RAPGEF1: variants seen among roughly 807,000 people sequenced by gnomAD.
RAPGEF1 encodes the protein CRK SH3-binding GNRP.
Under a neutral mutation model 143.3 loss-of-function variants are expected in RAPGEF1, and 33 were observed. That is an observed-to-expected ratio of 0.23 (90% CI 0.17 to 0.31). The LOEUF (loss-of-function observed/expected upper bound fraction) is 0.31. Among genes scored for constraint, RAPGEF1 ranks in the 10% least tolerant of loss-of-function variants. The pLI is 1.00. For missense variants in RAPGEF1, 1,199 were observed against 1,645.4 expected (o/e 0.73, Z 4.69); for synonymous variants, 629 against 676.5 (o/e 0.93, Z 1.09).
chr9:131,705,777 T>G (rs1303886354), intron 1 of RAPGEF1, among the ~76,000 whole-genome samples: 1 of 152,134 alleles, frequency 6.6e-6, no homozygotes, highest in Non-Finnish European at 1.5e-5. Flanking sequence ...CTCAAATCAC[T>G]AGAGAAGCTT....
At chr9:131,606,514 T>C (rs1335519155) in intron 12 of RAPGEF1, among the ~76,000 whole-genome samples, 1 of 152,186 alleles carries the variant, frequency 6.6e-6, no homozygotes, top group East Asian at 1.9e-4. Flanking sequence ...AGTGCAAATG[T>C]GCGTGCCACT....
At chr9:131,651,028 A>C in intron 1 of RAPGEF1, 79 bp from the exon 2 acceptor site, 1 of 1,501,678 alleles carries the variant, frequency 6.7e-7, no homozygotes, top group Admixed American at 1.9e-5. Flanking sequence ...GGAAATGAGC[A>C]ATGTCCCCAA....
intron 9 of RAPGEF1, among the ~76,000 whole-genome samples, chr9:131,627,114 T>G (rs1273054211): frequency 6.8e-6 from 1 of 147,430 alleles, no homozygotes; most frequent in Non-Finnish European, 1.5e-5. Context: ...CTTGGGAGGC[T>G]GAGGCAGGAG....
In RAPGEF1 at chr9:131,667,692, C is replaced by T. The variant is rs1187769777; in HGVS notation, c.62-16743G>A. ...ACATGGGGCAAACAGAAGTGGCACT[C>T]ATCTCTACACGTGGCCTAGGGCAGC... is the stretch of plus-strand genomic sequence containing the variant. On this transcript the variant is annotated intron_variant, in intron 1 of 26. Coordinates refer to ENST00000683357, the MANE Select transcript of RAPGEF1 (RefSeq NM_001377935.1). The surrounding 1 kb of genome is among the most constrained non-coding windows in gnomAD (Gnocchi z 4.6). 6.6e-6 allele frequency among the ~76,000 whole-genome samples: 1 copy of T among 152,166 alleles called. No homozygotes were observed. The highest frequency in any genetic ancestry group is 2.4e-5 in the African/African-American group (1 of 41,422).
At position 131,591,975 on chromosome 9, in the gene RAPGEF1, C is replaced by T. The variant is rs1449170873; in HGVS notation, c.2774+124G>A. Reference sequence around the variant, plus strand: ...GGTCCATGGGGCTCCTGTGTCCCTACTTCAATCACACTGCCACCCAATATG... The same window carrying T: ...GGTCCATGGGGCTCCTGTGTCCCTATTTCAATCACACTGCCACCCAATATG... On this transcript the variant is annotated intron_variant, in intron 18 of 26. Transcript: ENST00000683357. 4.2e-6 allele frequency: 3 copies of T among 707,440 alleles called. No individual in the cohort carries two copies. The African/African-American group carries it at 5.3e-5, about 13-fold the overall frequency. The allele number at this position is 707,440 out of a possible 1,614,324, so 43.8% of individuals were successfully genotyped here.
intron 1 of RAPGEF1, among the ~76,000 whole-genome samples, chr9:131,703,228 G>A (rs1834797384): frequency 6.6e-6 from 1 of 152,154 alleles, no homozygotes; most frequent in South Asian, 2.1e-4. Context: ...TTGAACTCCT[G>A]AGCTCAAGTG....
At chr9:131,720,910 AAAG>A (rs1415828002) in intron 1 of RAPGEF1, among the ~76,000 whole-genome samples, 36 of 152,200 alleles carry the variant, frequency 2.4e-4, no homozygotes, top group African/African-American at 8.4e-4. Flanking sequence ...TATCCATTCC[AAAG>A]AATAACAATT....
intron 1 of RAPGEF1, among the ~76,000 whole-genome samples, chr9:131,731,892 T>C (rs1837097587): frequency 6.6e-6 from 1 of 152,186 alleles, no homozygotes; most frequent in South Asian, 2.1e-4. Flanking sequence ...GTCGTGGTGT[T>C]CCGGGAAGCA....
rs575671286 is a variant in RAPGEF1 at position 131,615,253 on chromosome 9, T to C, written c.2061+3798A>G. Reference sequence around the variant, plus strand: ...ATGCCTGGCTAATTTTTTTTGTATTTTCAGTAGAGCCGGGGTTTCACCGTC... The same window carrying C: ...ATGCCTGGCTAATTTTTTTTGTATTCTCAGTAGAGCCGGGGTTTCACCGTC... On this transcript the variant is annotated intron_variant, in intron 12 of 26. Coordinates refer to ENST00000683357, the MANE Select transcript of RAPGEF1 (RefSeq NM_001377935.1). 4.6e-5 allele frequency among the ~76,000 whole-genome samples: 7 copies of C among 152,350 alleles called. No individual in the cohort carries two copies. In the East Asian group the frequency reaches 1.4e-3, roughly 29 times the overall value.
At chr9:131,622,108 A>G (rs1057319614) in intron 10 of RAPGEF1, 110 bp from the exon 11 acceptor site, 53 of 1,055,580 alleles carry the variant, frequency 5.0e-5, no homozygotes, top group Non-Finnish European at 7.2e-5. Flanking sequence ...AAAGCACCTC[A>G]GAGAGGGACG....
At chr9:131,671,640 T>G (rs932524434) in intron 1 of RAPGEF1, among the ~76,000 whole-genome samples, 3 of 152,062 alleles carry the variant, frequency 2.0e-5, no homozygotes, top group Non-Finnish European at 4.4e-5. Flanking sequence ...GCTGAGGACA[T>G]GTGGGGGTCA....
At chr9:131,665,777 C>A (rs1424967295) in intron 1 of RAPGEF1, among the ~76,000 whole-genome samples, 2 of 152,128 alleles carry the variant, frequency 1.3e-5, no homozygotes, top group Non-Finnish European at 2.9e-5. Flanking sequence ...AATCCTGGGA[C>A]TCAATACTGG....
rs1408075037 is a variant in RAPGEF1 at position 131,578,353 on chromosome 9, G to C, written c.*1144C>G. ...AGAGTGGGGAGAGGGTGCGCTTGCT[G>C]CAGCTGCTGCCTTAGGAGGCTCCTC... On this transcript the variant is annotated 3_prime_UTR_variant, in exon 27 of 27. Transcript: ENST00000683357. 6.6e-6 allele frequency: 1 copy of C among 152,574 alleles called. No homozygotes were observed. Among genetic ancestry groups the C allele is most frequent in the Non-Finnish European group, 1.5e-5 (1 of 68,298 alleles). 9.5% of individuals were successfully genotyped at this position (152,574 alleles called of 1,614,324 possible).
chr9:131,703,935 T>C (rs757772421), intron 1 of RAPGEF1, among the ~76,000 whole-genome samples: 1 of 152,224 alleles, frequency 6.6e-6, no homozygotes, highest in African/African-American at 2.4e-5. Flanking sequence ...AGATAATCCA[T>C]GTCCATGGAT....
chr9:131,587,242 A>ACACC (rs1953268325), intron 22 of RAPGEF1, among the ~76,000 whole-genome samples: 1 of 119,812 alleles, frequency 8.3e-6, no homozygotes, highest in African/African-American at 3.4e-5. Context: ...ACACACACAC[A>ACACC]CCTGCAGAGC....
Position 131,581,605 on chromosome 9 carries a change from G to A in RAPGEF1, c.3512+1000C>T, listed in dbSNP as rs182602544. ...TCCCATCGACTACTCAGGAGGCTGA[G>A]GTGGGAGAACTGCTTGAACTCAGGA... On this transcript the variant is annotated intron_variant, in intron 25 of 26. Coordinates refer to ENST00000683357, the MANE Select transcript of RAPGEF1 (RefSeq NM_001377935.1). Among the ~76,000 whole-genome samples, 799 of 151,972 alleles carry A rather than the reference G, an allele frequency of 5.3e-3. 7 individuals carry two copies. Among genetic ancestry groups the A allele is most frequent in the Middle Eastern group, 7.0e-3 (2 of 284 alleles).
rs529694748 is a variant in RAPGEF1, at chr9:131,637,217, T to C, written c.651+1418A>G. On this transcript the variant is annotated intron_variant, in intron 5 of 26. Coordinates refer to ENST00000683357, the MANE Select transcript of RAPGEF1 (RefSeq NM_001377935.1). ...TCCAGCCTGGGTGACAGAGTGACAT[T>C]CCGTCTCAGAGAAAAAAAAAAAAAA... Among the ~76,000 whole-genome samples, 30 of 150,030 alleles carry C rather than the reference T, an allele frequency of 2.0e-4. No homozygotes were observed. In the South Asian group the frequency reaches 5.5e-3, roughly 27 times the overall value.
intron 1 of RAPGEF1, among the ~76,000 whole-genome samples, chr9:131,705,099 A>C (rs1302185808): frequency 6.6e-6 from 1 of 152,232 alleles, no homozygotes; most frequent in Non-Finnish European, 1.5e-5. Context: ...CCAGGTCCCA[A>C]ATAACCACCT....
chr9:131,719,430 G>C (rs1000266059), intron 1 of RAPGEF1, among the ~76,000 whole-genome samples: 1 of 151,926 alleles, frequency 6.6e-6, no homozygotes, highest in East Asian at 1.9e-4. Context: ...TTCAGTCTGT[G>C]ATGTCTTTTT....
Sources: gnomAD v4.1 joint callset for allele counts (sites outside exome capture counted in the v4.1 genomes callset) on GRCh38, gnomAD v4.1.1 for gene constraint, Gnocchi (gnomAD v3.1) non-coding constraint, MANE v1.5 for transcripts, NCBI Gene and HGNC (gene_info 2026-07-23, HGNC 2026-07-21) for gene names.